SND1: variants seen among roughly 807,000 people sequenced by gnomAD.
SND1 encodes the protein staphylococcal nuclease domain-containing protein 1.
Under a neutral mutation model 121.7 loss-of-function variants are expected in SND1, and 38 were observed. The ratio of observed to expected loss-of-function variants is 0.31; its 90% CI spans 0.24 to 0.41. SND1 has a LOEUF of 0.41. Ranked by LOEUF, SND1 falls within the 10% of genes least tolerant of loss-of-function variation. SND1 has a pLI of 1.00. For synonymous variants in SND1, 401 were observed against 447.4 expected (o/e 0.90, Z 1.31); for missense variants, 868 against 1,184.6 (o/e 0.73, Z 3.92).
intron 7 of SND1, 94 bp downstream of exon 7, chr7:127,703,417 A>G: frequency 1.4e-6 from 2 of 1,413,496 alleles, no homozygotes; most frequent in Non-Finnish European, 1.9e-6. Context: ...TGTATTTAAC[A>G]TCCATTAAGA....
At chr7:127,847,733 G>A (rs576128509) in intron 12 of SND1, among the ~76,000 whole-genome samples, 1 of 152,294 alleles carries the variant, frequency 6.6e-6, no homozygotes, top group South Asian at 2.1e-4. Context: ...TTGAGCAACG[G>A]GCTCACTGCC....
intron 10 of SND1, among the ~76,000 whole-genome samples, chr7:127,760,585 C>A (rs1797286339): frequency 6.6e-6 from 1 of 152,122 alleles, no homozygotes; most frequent in Admixed American, 6.5e-5. Context: ...TCATTATGTG[C>A]CTTGATGTCA....
At chr7:127,815,053 C>T (rs983992777) in intron 11 of SND1, among the ~76,000 whole-genome samples, 5 of 151,734 alleles carry the variant, frequency 3.3e-5, no homozygotes, top group African/African-American at 9.7e-5. Context: ...TTACTTTTAC[C>T]TGAGCAGTTA....
intron 5 of SND1, among the ~76,000 whole-genome samples, chr7:127,701,661 A>ACATCT (rs1796105929): frequency 6.6e-6 from 1 of 152,228 alleles, no homozygotes; most frequent in Non-Finnish European, 1.5e-5. Context: ...TATTCTGTAT[A>ACATCT]CATCTAAACA....
intron 12 of SND1, among the ~76,000 whole-genome samples, chr7:127,872,668 A>ACC: frequency 7.0e-6 from 1 of 141,922 alleles, no homozygotes; most frequent in African/African-American, 2.6e-5. Flanking sequence ...ACACACACAC[A>ACC]CGACTCTGCC....
At chr7:127,934,465 TA>T (rs1203833249) in intron 15 of SND1, among the ~76,000 whole-genome samples, 1 of 152,028 alleles carries the variant, frequency 6.6e-6, no homozygotes, top group African/African-American at 2.4e-5. Flanking sequence ...TGCATTGAAA[TA>T]AATGAGGCGC....
chr7:127,740,940 T>G (rs1796870696), intron 10 of SND1, among the ~76,000 whole-genome samples: 1 of 152,240 alleles, frequency 6.6e-6, no homozygotes, highest in African/African-American at 2.4e-5. Context: ...TCTTTTACAC[T>G]TTGGAGAATT....
At chr7:127,724,177 A>C (rs1204952346) in intron 10 of SND1, among the ~76,000 whole-genome samples, 1 of 152,196 alleles carries the variant, frequency 6.6e-6, no homozygotes, top group Admixed American at 6.5e-5. Context: ...GGAACTTTAG[A>C]GTCTAGTAGG....
At chr7:127,653,065 GAT>G (rs1795150320) in intron 1 of SND1, among the ~76,000 whole-genome samples, 1 of 152,162 alleles carries the variant, frequency 6.6e-6, no homozygotes, top group Non-Finnish European at 1.5e-5. Flanking sequence ...AAGATAAGGA[GAT>G]AGGCTTGAAG....
In SND1 at chr7:127,996,394, T is replaced by A. The variant is rs186837923; in HGVS notation, c.1779+5338T>A. On this transcript the variant is annotated intron_variant, in intron 16 of 23. Coordinates refer to ENST00000354725, the MANE Select transcript of SND1 (RefSeq NM_014390.4). ...AAGCAGTTTCAAGTTTATCTCAATC[T>A]CTGTCCTTCTTGTGCCCTCGGTCCT... 1.5e-3 allele frequency among the ~76,000 whole-genome samples: 233 copies of A among 152,254 alleles called. 1 individual carries two copies. Among genetic ancestry groups the A allele is most frequent in the Non-Finnish European group, 2.9e-3 (194 of 68,018 alleles).
chr7:127,760,797 A>T (rs569394247), intron 10 of SND1, among the ~76,000 whole-genome samples: 5 of 152,020 alleles, frequency 3.3e-5, no homozygotes. Context: ...TCCTTTCTTT[A>T]CTTAAGTTGC....
Position 127,776,280 on chromosome 7 carries a change from G to A in SND1, c.1153-31204G>A, listed in dbSNP as rs563883224. ...TAAAAAGAATGTTGATTGTTTTATG[G>A]CATTATGATAAACTTCCACTAGTTA... is the stretch of plus-strand genomic sequence containing the variant. On this transcript the variant is annotated intron_variant, in intron 10 of 23. Coordinates refer to ENST00000354725, the MANE Select transcript of SND1 (RefSeq NM_014390.4). 3.3e-5 allele frequency among the ~76,000 whole-genome samples: 5 copies of A among 152,244 alleles called. No homozygotes were observed. In the South Asian group the frequency reaches 1.0e-3, roughly 32 times the overall value.
intron 16 of SND1, among the ~76,000 whole-genome samples, chr7:128,038,521 T>C (rs565801707): frequency 3.9e-5 from 6 of 152,236 alleles, no homozygotes; most frequent in Non-Finnish European, 7.3e-5. Context: ...TATTTTCTAA[T>C]ACGGAAACCG....
intron 11 of SND1, among the ~76,000 whole-genome samples, chr7:127,825,836 T>C (rs1214599460): frequency 6.6e-6 from 1 of 152,226 alleles, no homozygotes. Flanking sequence ...AAATAACATT[T>C]TGGTGTATTT....
intron 15 of SND1, among the ~76,000 whole-genome samples, chr7:127,956,577 T>C (rs1801598293): frequency 6.6e-6 from 1 of 152,222 alleles, no homozygotes; most frequent in Non-Finnish European, 1.5e-5. Flanking sequence ...GCTCGATGGA[T>C]GGCCTAGAGC....
intron 15 of SND1, among the ~76,000 whole-genome samples, chr7:127,951,835 A>G (rs920605492): frequency 5.9e-5 from 9 of 152,140 alleles, no homozygotes; most frequent in East Asian, 1.9e-4. Context: ...AAAAGCAAAA[A>G]CAAAACAAAA....
At chr7:127,766,870 T>C (rs1316080181) in intron 10 of SND1, among the ~76,000 whole-genome samples, 1 of 151,968 alleles carries the variant, frequency 6.6e-6, no homozygotes, top group Non-Finnish European at 1.5e-5. Flanking sequence ...TATGTATTTT[T>C]CTGTTTTCCC....
intron 11 of SND1, among the ~76,000 whole-genome samples, chr7:127,823,468 C>T (rs998477073): frequency 3.9e-5 from 6 of 152,222 alleles, no homozygotes; most frequent in East Asian, 1.9e-4. Context: ...ATTGGCGGGA[C>T]ATCTCAGGGG....
chr7:127,883,600 T>C (rs2116722730), intron 12 of SND1, among the ~76,000 whole-genome samples: 1 of 152,300 alleles, frequency 6.6e-6, no homozygotes. Context: ...GCAGGACATT[T>C]TCCTGCATAC....
Sources: gnomAD v4.1 joint callset for allele counts (sites outside exome capture counted in the v4.1 genomes callset) on GRCh38, gnomAD v4.1.1 for gene constraint, MANE v1.5 for transcripts, NCBI Gene and HGNC (gene_info 2026-07-23, HGNC 2026-07-21) for gene names.